CTNNA2: variants seen among roughly 807,000 people sequenced by gnomAD.
CTNNA2 encodes catenin alpha-2.
CTNNA2 carries 42 observed loss-of-function variants against 101.0 expected under a neutral mutation model. The observed-to-expected ratio is 0.42, with a 90% CI of 0.32 to 0.54. The LOEUF is 0.54. Ranked by LOEUF, CTNNA2 falls within the 20% of genes least tolerant of loss-of-function variation. The probability of loss-of-function intolerance (pLI) is 0.14; values close to 1 mark genes in which losing one functional copy is unlikely to be tolerated. For synonymous variants in CTNNA2, 450 were observed against 456.4 expected, an observed-to-expected ratio of 0.99 and a Z score of 0.18; for missense variants, 871 against 1,223.1, an observed-to-expected ratio of 0.71 and a Z score of 4.29.
chr2:80,577,158 T>G (rs1258916622), intron 13 of CTNNA2, among the ~76,000 whole-genome samples: 1 of 152,158 alleles, frequency 6.6e-6, no homozygotes, highest in African/African-American at 2.4e-5. Context: ...GGAGTTGCCC[T>G]GAATACAGGA....
At chr2:79,418,080 T>C (rs1678502885) in intron 4 of CTNNA2, among the ~76,000 whole-genome samples, 1 of 151,608 alleles carries the variant, frequency 6.6e-6, no homozygotes, top group Non-Finnish European at 1.5e-5. Context: ...TCATAGGGAG[T>C]TGAAGCTGTC....
At chr2:79,634,595 G>A (rs1436763140) in intron 1 of CTNNA2, 2 of 152,252 alleles carry the variant, frequency 1.3e-5, no homozygotes, top group Non-Finnish European at 2.9e-5. Flanking sequence ...AGTAGAGTGA[G>A]ATTTATGGCA....
chr2:80,533,122 C>T (rs1442112983), intron 9 of CTNNA2, among the ~76,000 whole-genome samples: 4 of 152,232 alleles, frequency 2.6e-5, no homozygotes, highest in East Asian at 3.9e-4. Context: ...CATCTAATTC[C>T]GTGTGTAGGT....
chr2:80,099,018 C>T (rs1371515525), intron 7 of CTNNA2, among the ~76,000 whole-genome samples: 1 of 151,986 alleles, frequency 6.6e-6, no homozygotes. Flanking sequence ...CTGTCCTGCA[C>T]CCACTGTCCG....
chr2:80,018,779 T>TAAA (rs11374204), intron 7 of CTNNA2, among the ~76,000 whole-genome samples: 31 of 123,922 alleles, frequency 2.5e-4, no homozygotes, highest in African/African-American at 5.5e-4. Context: ...AGACTCTGTG[T>TAAA]AAAAAAAAAA....
intron 7 of CTNNA2, among the ~76,000 whole-genome samples, chr2:80,377,543 G>A (rs991681511): frequency 3.3e-5 from 5 of 152,166 alleles, no homozygotes; most frequent in Admixed American, 6.5e-5. Context: ...TGTCTACTTC[G>A]AAAGCTCTTG....
intron 4 of CTNNA2, among the ~76,000 whole-genome samples, chr2:79,859,297 A>G (rs1681398887): frequency 1.3e-5 from 2 of 152,112 alleles, no homozygotes; most frequent in Admixed American, 1.3e-4. Flanking sequence ...GGGAGATAGG[A>G]AATGAATAAC....
intron 4 of CTNNA2, among the ~76,000 whole-genome samples, chr2:79,419,573 A>G (rs1034217473): frequency 9.9e-5 from 15 of 152,272 alleles, no homozygotes; most frequent in African/African-American, 3.4e-4. Flanking sequence ...GTGTATTTAA[A>G]AAATAAAAAT....
chr2:80,170,681 G>C (rs17018756), intron 7 of CTNNA2, among the ~76,000 whole-genome samples: 25,490 of 152,164 alleles, frequency 0.17, 2,697 homozygotes, highest in South Asian at 0.31. Flanking sequence ...CAAATGATAA[G>C]TTATATAACT....
At chr2:79,426,994 C>G (rs1272865187) in intron 4 of CTNNA2, among the ~76,000 whole-genome samples, 2 of 152,052 alleles carry the variant, frequency 1.3e-5, no homozygotes, top group Non-Finnish European at 2.9e-5. Context: ...TGTACACTTT[C>G]TCCTCCACAA....
intron 7 of CTNNA2, among the ~76,000 whole-genome samples, chr2:79,926,210 C>A (rs1687011138): frequency 6.6e-6 from 1 of 152,110 alleles, no homozygotes; most frequent in African/African-American, 2.4e-5. Flanking sequence ...GGGTTTCCTT[C>A]ATTATTCCCC....
chr2:79,331,915 T>C (rs1481808733), intron 3 of CTNNA2, among the ~76,000 whole-genome samples: 1 of 152,206 alleles, frequency 6.6e-6, no homozygotes, highest in African/African-American at 2.4e-5. Context: ...TGGGATGTAC[T>C]AGTTATGCTG....
chr2:80,429,448 T>G (rs997089653), intron 9 of CTNNA2, among the ~76,000 whole-genome samples: 13 of 152,128 alleles, frequency 8.5e-5, no homozygotes, highest in African/African-American at 2.9e-4. Flanking sequence ...GAGACCACAT[T>G]CTTAGCCACT....
rs1672609601 is a variant in CTNNA2 at position 80,261,551 on chromosome 2, T to A, written c.1057-131660T>A. On this transcript the variant is annotated intron_variant, in intron 7 of 18. Coordinates refer to ENST00000402739, the MANE Select transcript of CTNNA2 (RefSeq NM_001282597.3). ...GTTTCACTTGTTTAAATGGCCAAAA[T>A]AAAAAATGTCGCTGAAATGGGACCC... 2.0e-5 allele frequency among the ~76,000 whole-genome samples: 3 copies of A among 152,082 alleles called. No homozygotes were observed. In the South Asian group the frequency reaches 6.2e-4, roughly 32 times the overall value.
chr2:79,209,970 G>C (rs555180000), intron 2 of CTNNA2, among the ~76,000 whole-genome samples: 5 of 151,890 alleles, frequency 3.3e-5, no homozygotes, highest in South Asian at 2.1e-4. Context: ...GTGTGTGTTG[G>C]GGGGGCGGGG....
At chr2:80,061,563 A>G (rs1000899379) in intron 7 of CTNNA2, among the ~76,000 whole-genome samples, 15 of 152,196 alleles carry the variant, frequency 9.9e-5, no homozygotes, top group African/African-American at 3.4e-4. Context: ...CAGGGGACAA[A>G]TGAAAAACTT....
chr2:79,516,232 T>A (rs111517433), intron 1 of CTNNA2, among the ~76,000 whole-genome samples: 1,534 of 152,318 alleles, frequency 0.01, 12 homozygotes, highest in Admixed American at 0.015. Context: ...CAGTACTTGG[T>A]ACAAACAAAA....
intron 15 of CTNNA2, among the ~76,000 whole-genome samples, chr2:80,594,798 C>T (rs1397347183): frequency 6.6e-6 from 1 of 151,518 alleles, no homozygotes; most frequent in Admixed American, 6.6e-5. Context: ...AATCTTAGTA[C>T]CTTTGTGGAA....
chr2:79,733,367 A>C (rs1293131301), intron 2 of CTNNA2, among the ~76,000 whole-genome samples: 1 of 152,218 alleles, frequency 6.6e-6, no homozygotes, highest in Non-Finnish European at 1.5e-5. Context: ...AAGAGCTTGT[A>C]TTATGAATAA....
Sources: gnomAD v4.1 joint callset for allele counts (sites outside exome capture counted in the v4.1 genomes callset) on GRCh38, gnomAD v4.1.1 for gene constraint, MANE v1.5 for transcripts, NCBI Gene and HGNC (gene_info 2026-07-23, HGNC 2026-07-21) for gene names.